The following KCMF1 variants were observed in gnomAD, a reference collection of about 807,000 sequenced individuals.
KCMF1 encodes potassium channel modulatory factor 1.
A neutral mutation model predicts 41.1 loss-of-function variants in KCMF1; 3 were observed. That is an observed-to-expected ratio of 0.07 (90% CI 0.03 to 0.19). The LOEUF is 0.19. Among genes scored for constraint, KCMF1 ranks in the 10% least tolerant of loss-of-function variants. The pLI is 1.00. For synonymous variants in KCMF1, 142 were observed against 164.5 expected, an observed-to-expected ratio of 0.86 and a Z score of 1.04; for missense variants, 286 against 488.9, an observed-to-expected ratio of 0.58 and a Z score of 3.91.
intron 1 of KCMF1, among the ~76,000 whole-genome samples, chr2:84,999,601 G>C (rs1226603762): frequency 6.6e-6 from 1 of 152,148 alleles, no homozygotes; most frequent in Non-Finnish European, 1.5e-5. Flanking sequence ...GGACTTAAAA[G>C]AAATAAGATC....
At chr2:85,035,256 T>C (rs1675380714) in intron 3 of KCMF1, 101 bp downstream of exon 3, 4 of 963,696 alleles carry the variant, frequency 4.2e-6, no homozygotes, top group Non-Finnish European at 6.0e-6. Flanking sequence ...CTGCTCAGTG[T>C]AATGATACCG....
intron 1 of KCMF1, among the ~76,000 whole-genome samples, chr2:84,990,411 TCTC>T (rs1674013011): frequency 6.6e-6 from 1 of 152,184 alleles, no homozygotes; most frequent in African/African-American, 2.4e-5. Flanking sequence ...AGGAACTTCT[TCTC>T]ACTCTGAAGC....
intron 1 of KCMF1, among the ~76,000 whole-genome samples, chr2:84,980,788 G>T (rs12623259): frequency 0.048 from 7,291 of 151,774 alleles, 443 homozygotes; most frequent in East Asian, 0.34. Context: ...GTACAGGCAT[G>T]TGCTACCACG....
At chr2:85,036,510 A>G (rs565368634) in intron 3 of KCMF1, among the ~76,000 whole-genome samples, 1 of 152,272 alleles carries the variant, frequency 6.6e-6, no homozygotes, top group African/African-American at 2.4e-5. Context: ...TAAAATCATT[A>G]TTAGACTGTG....
chr2:84,989,848 G>T (rs75349099), intron 1 of KCMF1, among the ~76,000 whole-genome samples: 1 of 152,302 alleles, frequency 6.6e-6, no homozygotes, highest in African/African-American at 2.4e-5. Context: ...TGTCCAGGGG[G>T]ATTTGAACAT....
intron 1 of KCMF1, among the ~76,000 whole-genome samples, chr2:84,999,567 A>G (rs1252138808): frequency 2.6e-5 from 4 of 152,260 alleles, no homozygotes; most frequent in Admixed American, 6.5e-5. Context: ...CTGAGTACCT[A>G]TACCTACTTA....
chr2:85,012,133 G>A (rs952269102), intron 1 of KCMF1, among the ~76,000 whole-genome samples: 4 of 152,224 alleles, frequency 2.6e-5, no homozygotes, highest in African/African-American at 9.6e-5. Context: ...GTAATGTAGA[G>A]AGATGATGCT....
intron 1 of KCMF1, among the ~76,000 whole-genome samples, chr2:84,978,102 A>T (rs939036505): frequency 6.6e-6 from 1 of 151,580 alleles, no homozygotes; most frequent in African/African-American, 2.4e-5. Flanking sequence ...GGTTCAAGTG[A>T]TTCTCCTGCC....
chr2:85,048,779 G>T (rs1444310689), intron 5 of KCMF1, among the ~76,000 whole-genome samples: 1 of 152,192 alleles, frequency 6.6e-6, no homozygotes, highest in Non-Finnish European at 1.5e-5. Flanking sequence ...CACTGGTAGT[G>T]GTATCTACTG....
intron 1 of KCMF1, among the ~76,000 whole-genome samples, chr2:85,014,836 A>G (rs919628241): frequency 1.3e-5 from 2 of 151,090 alleles, no homozygotes; most frequent in Non-Finnish European, 2.9e-5. Flanking sequence ...AGCCTCCCAA[A>G]GTGTTTCCCT....
At chr2:85,033,709 C>CA (rs1339489009) in intron 2 of KCMF1, among the ~76,000 whole-genome samples, 6 of 152,138 alleles carry the variant, frequency 3.9e-5, no homozygotes, top group African/African-American at 1.4e-4. Context: ...CACCACCTTC[C>CA]AACACCACCA....
At chr2:85,009,022 G>C (rs1311320895) in intron 1 of KCMF1, among the ~76,000 whole-genome samples, 3 of 152,072 alleles carry the variant, frequency 2.0e-5, no homozygotes, top group Non-Finnish European at 2.9e-5. Flanking sequence ...GAGCCACCAT[G>C]CCCAGCCTTG....
chr2:85,043,706 A>G, intron 4 of KCMF1, 41 bp downstream of exon 4: 1 of 1,353,726 alleles, frequency 7.4e-7, no homozygotes, highest in Non-Finnish European at 1.1e-6. Context: ...GTTGTTTGTA[A>G]TGTTTGTCAT....
At chr2:84,974,691 A>G (rs13022104) in intron 1 of KCMF1, among the ~76,000 whole-genome samples, 1 of 14,676 alleles carries the variant, frequency 6.8e-5, no homozygotes, top group Non-Finnish European at 1.2e-4. Context: ...ATATATATAT[A>G]TTTTTTTTTT....
rs146108928 is a variant in KCMF1, at chr2:84,997,271, C to T, written c.16+25804C>T. 4.6e-5 allele frequency among the ~76,000 whole-genome samples: 7 copies of T among 152,210 alleles called. No individual in the cohort carries two copies. The East Asian group carries it at 1.3e-3, about 29-fold the overall frequency. On this transcript the variant is annotated intron_variant, in intron 1 of 6. Coordinates refer to ENST00000409785, the MANE Select transcript of KCMF1 (RefSeq NM_020122.5). ...TGTTGTAGGTCTTGAGGATATTAAACCTTTTTAATTATAGGATTTTTTTTC... is the reference window on the plus strand; with the variant it reads ...TGTTGTAGGTCTTGAGGATATTAAATCTTTTTAATTATAGGATTTTTTTTC...
intron 1 of KCMF1, among the ~76,000 whole-genome samples, chr2:84,996,467 G>T (rs1190652652): frequency 1.4e-5 from 2 of 138,476 alleles, no homozygotes; most frequent in East Asian, 4.0e-4. Context: ...CAGAGTCTTG[G>T]CTCTGTCACC....
At chr2:85,019,079 T>G (rs567544689) in intron 1 of KCMF1, among the ~76,000 whole-genome samples, 5 of 152,178 alleles carry the variant, frequency 3.3e-5, no homozygotes, top group African/African-American at 1.2e-4. Context: ...TGTACTGATA[T>G]CTCATCAGAA....
intron 1 of KCMF1, among the ~76,000 whole-genome samples, chr2:84,995,255 C>G (rs186068216): frequency 2.0e-4 from 30 of 151,656 alleles, no homozygotes; most frequent in Non-Finnish European, 2.9e-5. Flanking sequence ...CTCCTGACCT[C>G]GTGATCCACC....
intron 2 of KCMF1, among the ~76,000 whole-genome samples, chr2:85,028,491 T>TACGTACTAAGTAA: frequency 7.6e-6 from 1 of 131,774 alleles, no homozygotes; most frequent in African/African-American, 2.9e-5. Context: ...GGCTTTTTTT[T>TACGTACTAAGTAA]TTTTTTTTTT....
Sources: allele counts gnomAD v4.1 joint callset (sites outside exome capture counted in the v4.1 genomes callset), GRCh38; gene constraint gnomAD v4.1.1; transcripts MANE v1.5; gene names NCBI Gene and HGNC (gene_info 2026-07-23, HGNC 2026-07-21).